Variants in DAP3 observed in about 807,000 individuals in gnomAD.
DAP3 encodes death associated protein 3, also known as small ribosomal subunit protein mS29.
DAP3 carries 28 observed loss-of-function variants against 51.9 expected under a neutral mutation model. That is an observed-to-expected ratio of 0.54 (90% CI 0.40 to 0.74). The LOEUF (loss-of-function observed/expected upper bound fraction) is 0.74, where lower values mean the gene tolerates loss of function less well. DAP3 is among the 30% of genes least tolerant of loss of function. DAP3 has a pLI of 0.00. For missense variants in DAP3, 458 were observed against 483.5 expected, an observed-to-expected ratio of 0.95 and a Z score of 0.49; for synonymous variants, 170 against 170.3, an observed-to-expected ratio of 1.00 and a Z score of 0.01.
chr1:155,689,004 G>T (rs1385619000), upstream of DAP3: 9 of 1,596,978 alleles, frequency 5.6e-6, no homozygotes, highest in Non-Finnish European at 7.7e-6. Flanking sequence ...ATCGAGGGCG[G>T]CCTAGCGCCC....
intron 3 of DAP3, among the ~76,000 whole-genome samples, chr1:155,720,909 T>G (rs1235600775): frequency 6.6e-6 from 1 of 152,016 alleles, no homozygotes; most frequent in East Asian, 1.9e-4. Context: ...TGGTGGCGCG[T>G]GCCTGTAGTC....
chr1:155,699,343 C>T (rs999839506), intron 1 of DAP3, among the ~76,000 whole-genome samples: 2 of 152,274 alleles, frequency 1.3e-5, no homozygotes, highest in African/African-American at 4.8e-5. Context: ...TTCAGAGGAG[C>T]GTCTTTCTTC....
intron 2 of DAP3, chr1:155,710,029 TAATTA>T: frequency 2.2e-6 from 1 of 450,420 alleles, no homozygotes; most frequent in South Asian, 5.8e-5. Flanking sequence ...AGTTTGACTG[TAATTA>T]TCTTTATTAA....
At chr1:155,688,588 C>T (rs1653080856), upstream of DAP3, 1 of 1,536,576 alleles carries the variant, frequency 6.5e-7, no homozygotes, top group Non-Finnish European at 8.7e-7. Context: ...CCCACGGGAA[C>T]CTCCTCGCCC....
At chr1:155,693,040 G>T (rs1187057629) in intron 1 of DAP3, among the ~76,000 whole-genome samples, 1 of 141,544 alleles carries the variant, frequency 7.1e-6, no homozygotes, top group South Asian at 2.1e-4. Flanking sequence ...AAATCTTTTT[G>T]TTCTGGTAAA....
In DAP3 at chr1:155,695,025, G is replaced by A. The variant is rs978804209; in HGVS notation, c.-8+5851G>A. 4.6e-5 allele frequency among the ~76,000 whole-genome samples: 7 copies of A among 152,200 alleles called. No individual in the cohort carries two copies. In the East Asian group the frequency reaches 5.8e-4, roughly 13 times the overall value. ...GGTTCAGTTGGCTCGCTCAACAATC[G>A]CTTGCCTTTGAGAATTATAGGGGAT... On this transcript the variant is annotated intron_variant, in intron 1 of 12. Transcript: ENST00000368336.
intron 4 of DAP3, 84 bp downstream of exon 4, chr1:155,721,702 A>G: frequency 1.5e-6 from 2 of 1,298,882 alleles, no homozygotes; most frequent in South Asian, 2.5e-5. Context: ...TGAGAAGAAA[A>G]TTTAAAAAGA....
At chr1:155,707,656 C>T (rs543217320) in intron 1 of DAP3, among the ~76,000 whole-genome samples, 1 of 152,206 alleles carries the variant, frequency 6.6e-6, no homozygotes, top group East Asian at 1.9e-4. Context: ...TTATCAGTTT[C>T]CTTGTGTGCC....
chr1:155,703,007 G>A (rs1009090789), intron 1 of DAP3, among the ~76,000 whole-genome samples: 5 of 152,100 alleles, frequency 3.3e-5, no homozygotes, highest in Non-Finnish European at 7.4e-5. Context: ...TCAGTTGACC[G>A]TGATGTAAAT....
intron 1 of DAP3, among the ~76,000 whole-genome samples, chr1:155,708,068 A>T (rs536269116): frequency 6.6e-6 from 1 of 152,092 alleles, no homozygotes; most frequent in Non-Finnish European, 1.5e-5. Flanking sequence ...TTGTTTTGAG[A>T]CAGAGTTTCA....
Position 155,691,851 on chromosome 1 carries a change from C to T in DAP3, c.-8+2677C>T, listed in dbSNP as rs1281502230. ...AATTTTGGGGGACCAGTCTCAGCAC[C>T]ACCCGTAGGGTATCCGAAGTCCGGT... On this transcript the variant is annotated intron_variant, in intron 1 of 12. Transcript: ENST00000368336. Among the ~76,000 whole-genome samples, 2 of 141,256 alleles carry T rather than the reference C, an allele frequency of 1.4e-5. 1 individual carries two copies. The highest frequency in any genetic ancestry group is 6.5e-5 in the African/African-American group (2 of 30,850). 92.7% of individuals were successfully genotyped at this position (141,256 alleles called of 152,430 possible). A position where few individuals can be genotyped will look rare whatever the true frequency, so the allele number is the denominator to read the frequency against.
rs960121902 is a variant in DAP3 at position 155,732,047 on chromosome 1, A to G, written c.993+14A>G. 3 of 1,598,984 alleles carry G rather than the reference A, an allele frequency of 1.9e-6. No homozygotes were observed. The highest frequency in any genetic ancestry group is 1.7e-5 in the Admixed American group (1 of 57,722). ...TTGCTGGGAAAGGTCAAGTCAAAGG[A>G]AAATTTGTTTCTACTTAGATTGTTA... On this transcript the variant is annotated intron_variant, in intron 11 of 12. Transcript: ENST00000368336.
intron 4 of DAP3, among the ~76,000 whole-genome samples, chr1:155,723,623 C>A (rs1291318807): frequency 6.6e-6 from 1 of 152,188 alleles, no homozygotes; most frequent in East Asian, 1.9e-4. Context: ...GCCACCACGC[C>A]CAGCCAACAT....
chr1:155,702,542 A>G lies in DAP3; in HGVS notation c.-7-7231A>G, dbSNP rs530205174. Among the ~76,000 whole-genome samples, 50 of 152,252 alleles carry G rather than the reference A, an allele frequency of 3.3e-4. 1 individual carries two copies. In the South Asian group the frequency reaches 5.8e-3, roughly 18 times the overall value. Reference sequence around the variant, plus strand: ...TCTTGGAGCTCTTATGAGTACGTCTATGATCTATTTTGAGTATGATATGAG... The same window carrying G: ...TCTTGGAGCTCTTATGAGTACGTCTGTGATCTATTTTGAGTATGATATGAG... On this transcript the variant is annotated intron_variant, in intron 1 of 12. Coordinates refer to ENST00000368336, the MANE Select transcript of DAP3 (RefSeq NM_004632.4).
intron 2 of DAP3, among the ~76,000 whole-genome samples, chr1:155,712,156 C>T (rs1319017497): frequency 1.3e-5 from 2 of 152,176 alleles, no homozygotes; most frequent in Non-Finnish European, 2.9e-5. Flanking sequence ...TTAATATTAA[C>T]CATCACGGTG....
chr1:155,701,762 C>T (rs980458967), intron 1 of DAP3, among the ~76,000 whole-genome samples: 2 of 150,930 alleles, frequency 1.3e-5, no homozygotes, highest in African/African-American at 4.9e-5. Context: ...GTTCCCCTGC[C>T]AGGCTGTTTG....
upstream of DAP3, chr1:155,688,677 A>G: frequency 6.5e-7 from 1 of 1,531,766 alleles, no homozygotes; most frequent in African/African-American, 1.4e-5. Context: ...GCGCGAGCCC[A>G]AGCCTTCTCC....
intron 12 of DAP3, 60 bp downstream of exon 12, chr1:155,737,123 C>T (rs1460698582): frequency 1.6e-6 from 2 of 1,216,164 alleles, no homozygotes; most frequent in African/African-American, 3.0e-5. Context: ...CCCACTCAGT[C>T]AGAGCCTTGA....
chr1:155,700,583 C>A (rs1450184609), intron 1 of DAP3, among the ~76,000 whole-genome samples: 2 of 149,418 alleles, frequency 1.3e-5, no homozygotes, highest in Non-Finnish European at 3.0e-5. Flanking sequence ...GTCAGCCCCC[C>A]GCCCGGCCAG....
Sources: gnomAD v4.1 joint callset for allele counts (sites outside exome capture counted in the v4.1 genomes callset) on GRCh38, gnomAD v4.1.1 for gene constraint, MANE v1.5 for transcripts, NCBI Gene and HGNC (gene_info 2026-07-23, HGNC 2026-07-21) for gene names.